Variants in UBASH3B observed in about 807,000 individuals in gnomAD.
UBASH3B encodes the protein ubiquitin associated and SH3 domain containing B.
In UBASH3B, 37 loss-of-function variants were observed where a neutral mutation model predicts 83.4. That is an observed-to-expected ratio of 0.44 (90% CI 0.34 to 0.58). The LOEUF is 0.58. Among genes scored for constraint, UBASH3B ranks in the 20% least tolerant of loss-of-function variants. The pLI, the probability that UBASH3B is intolerant of heterozygous loss-of-function variation, is 0.01. For missense variants in UBASH3B, 657 were observed against 827.2 expected (o/e 0.79, Z 2.52); for synonymous variants, 304 against 318.3 (o/e 0.96, Z 0.48).
intron 1 of UBASH3B, among the ~76,000 whole-genome samples, chr11:122,750,722 C>G (rs1861186368): frequency 6.6e-6 from 1 of 152,138 alleles, no homozygotes; most frequent in African/African-American, 2.4e-5. Context: ...GAGTGACGAT[C>G]CTGATTGCTT....
At chr11:122,747,138 G>T (rs938898394) in intron 1 of UBASH3B, among the ~76,000 whole-genome samples, 5 of 152,096 alleles carry the variant, frequency 3.3e-5, no homozygotes, top group Non-Finnish European at 7.4e-5. Context: ...CCAAGGATAT[G>T]GGGAACCTCT....
chr11:122,710,908 A>T (rs1864182634), intron 1 of UBASH3B, among the ~76,000 whole-genome samples: 1 of 152,202 alleles, frequency 6.6e-6, no homozygotes, highest in Admixed American at 6.5e-5. Context: ...ATAAAGGCAT[A>T]TACCCTGGAT....
At chr11:122,657,327 C>T (rs1035741511) in intron 1 of UBASH3B, among the ~76,000 whole-genome samples, 22 of 152,036 alleles carry the variant, frequency 1.4e-4, no homozygotes, top group Middle Eastern at 3.4e-3. Flanking sequence ...GACGGAGTCT[C>T]GCTGTGTCGC....
chr11:122,753,215 G>A (rs1481371424), intron 1 of UBASH3B, among the ~76,000 whole-genome samples: 6 of 151,640 alleles, frequency 4.0e-5, no homozygotes, highest in African/African-American at 9.7e-5. Context: ...AGGCCGAGGC[G>A]GGCGGATCAC....
At position 122,764,539 on chromosome 11, in the gene UBASH3B, C is replaced by T. The variant is rs1368086019; in HGVS notation, c.162-11680C>T. Among the ~76,000 whole-genome samples, 3 of 152,252 alleles carry T rather than the reference C, an allele frequency of 2.0e-5. No homozygotes were observed. The East Asian group carries it at 5.8e-4, about 29-fold the overall frequency. ...GGAAGGCTTGGCTGAAATACCACTG[C>T]TTCCCCTCCTTGGCTTGCGCAGCTC... On this transcript the variant is annotated intron_variant, in intron 1 of 13. Transcript: ENST00000284273.
chr11:122,695,383 T>G (rs1268802349), intron 1 of UBASH3B, among the ~76,000 whole-genome samples: 1 of 152,200 alleles, frequency 6.6e-6, no homozygotes, highest in Non-Finnish European at 1.5e-5. Context: ...GATCAGAGCC[T>G]GCGGATGGGT....
intron 1 of UBASH3B, among the ~76,000 whole-genome samples, chr11:122,713,521 T>C (rs553050562): frequency 1.3e-5 from 2 of 152,114 alleles, no homozygotes; most frequent in South Asian, 2.1e-4. Context: ...CTCTTAGGAG[T>C]GTGTGTGATT....
intron 11 of UBASH3B, among the ~76,000 whole-genome samples, chr11:122,805,757 G>C (rs1167137729): frequency 6.6e-6 from 1 of 152,102 alleles, no homozygotes; most frequent in Non-Finnish European, 1.5e-5. Context: ...CCCCAGGCCG[G>C]TGAGGGACAC....
At chr11:122,678,669 A>G (rs1863699597) in intron 1 of UBASH3B, among the ~76,000 whole-genome samples, 1 of 151,104 alleles carries the variant, frequency 6.6e-6, no homozygotes, top group East Asian at 1.9e-4. Flanking sequence ...TGCTCCACAA[A>G]ATAGTCAGTC....
Position 122,783,209 on chromosome 11 carries a change from T to A in UBASH3B, c.758T>A (p.Phe253Tyr). Residue 253 changes from phenylalanine (F) to tyrosine (Y), a missense_variant, in exon 5 of 14, where the codon TTT becomes TAT. Transcript: ENST00000284273. ...VATIFSRDIR[F>Y]ANHETLQVIY... is the part of the protein sequence containing the mutation. ...ACCATATTTTCTCGGGATATCCGATTTGCTAACCATGAGGTAATGTCTCAC... is the reference window on the plus strand; with the variant it reads ...ACCATATTTTCTCGGGATATCCGATATGCTAACCATGAGGTAATGTCTCAC... The A allele has an allele frequency of 6.2e-7, 1 of 1,613,876 alleles. No homozygotes were observed. Among genetic ancestry groups the A allele is most frequent in the Non-Finnish European group, 8.5e-7 (1 of 1,179,850 alleles).
intron 1 of UBASH3B, among the ~76,000 whole-genome samples, chr11:122,721,061 C>A (rs562441798): frequency 2.6e-5 from 4 of 151,488 alleles, no homozygotes; most frequent in Non-Finnish European, 4.4e-5. Flanking sequence ...CCGGCTCACA[C>A]GGTGAAACCC....
chr11:122,690,204 ATATATCCAAT>A (rs1332774743), intron 1 of UBASH3B, among the ~76,000 whole-genome samples: 1,640 of 24,454 alleles, frequency 0.067, 59 homozygotes, highest in East Asian at 0.31. Context: ...ATATATATAT[ATATATCCAAT>A]TATATATATA....
rs1347042064 is a variant in UBASH3B at position 122,801,105 on chromosome 11, G to C, written c.1451-83G>C. On this transcript the variant is annotated intron_variant, in intron 10 of 13. Coordinates refer to ENST00000284273, the MANE Select transcript of UBASH3B (RefSeq NM_032873.5). ...ATAGCAGCCAGTAGGAAAGAGAATAGCTGATTTATCAGAATTTTTATAACA... is the reference window on the plus strand; with the variant it reads ...ATAGCAGCCAGTAGGAAAGAGAATACCTGATTTATCAGAATTTTTATAACA... 2.6e-6 allele frequency: 4 copies of C among 1,523,982 alleles called. No homozygotes were observed. The East Asian group carries it at 9.0e-5, about 34-fold the overall frequency. 94.4% of individuals were successfully genotyped at this position (1,523,982 alleles called of 1,614,324 possible).
In UBASH3B at chr11:122,758,879, G is replaced by T. The variant is rs948711077; in HGVS notation, c.162-17340G>T. Reference sequence around the variant, plus strand: ...AGGTTACCCTTTAGTGCTGAGCTTGGTCATACCAGGTCATTTCAGCCAATG... The same window carrying T: ...AGGTTACCCTTTAGTGCTGAGCTTGTTCATACCAGGTCATTTCAGCCAATG... On this transcript the variant is annotated intron_variant, in intron 1 of 13. Transcript: ENST00000284273. This position sits in a 1 kb window ranked among gnomAD's most constrained non-coding sequence, Gnocchi z 4.2. Among the ~76,000 whole-genome samples the T allele has an allele frequency of 6.6e-6, 1 of 152,170 alleles. No individual in the cohort carries two copies. The highest frequency in any genetic ancestry group is 1.5e-5 in the Non-Finnish European group (1 of 68,028).
intron 9 of UBASH3B, among the ~76,000 whole-genome samples, chr11:122,798,716 A>G (rs1259244748): frequency 6.6e-6 from 1 of 151,580 alleles, no homozygotes; most frequent in Non-Finnish European, 1.5e-5. Context: ...TCTCAAAAAA[A>G]AAAAAAAAAG....
intron 1 of UBASH3B, among the ~76,000 whole-genome samples, chr11:122,688,467 A>C: frequency 1.6e-5 from 2 of 124,992 alleles, no homozygotes; most frequent in Middle Eastern, 5.4e-3. Context: ...TTTTTTTGAG[A>C]CGGAGTCTGG....
At chr11:122,686,847 G>A (rs539935502) in intron 1 of UBASH3B, among the ~76,000 whole-genome samples, 10 of 151,920 alleles carry the variant, frequency 6.6e-5, no homozygotes, top group South Asian at 6.2e-4. Context: ...CCTGTTTTTC[G>A]GTAAGTAAAA....
chr11:122,716,569 C>T (rs1860529601), intron 1 of UBASH3B, among the ~76,000 whole-genome samples: 1 of 152,228 alleles, frequency 6.6e-6, no homozygotes, highest in Middle Eastern at 3.4e-3. Context: ...AATCGCTGTC[C>T]ACCCAGAGAC....
At chr11:122,712,990 C>A (rs946063543) in intron 1 of UBASH3B, among the ~76,000 whole-genome samples, 4 of 139,818 alleles carry the variant, frequency 2.9e-5, no homozygotes, top group African/African-American at 1.0e-4. Context: ...TCACTGCAAG[C>A]TCCGCCTCCT....
Sources: gnomAD v4.1 joint callset for allele counts (sites outside exome capture counted in the v4.1 genomes callset) on GRCh38, gnomAD v4.1.1 for gene constraint, Gnocchi (gnomAD v3.1) non-coding constraint, MANE v1.5 for transcripts, NCBI Gene and HGNC (gene_info 2026-07-23, HGNC 2026-07-21) for gene names.